The following LRP12 variants were observed in gnomAD, a reference collection of about 807,000 sequenced individuals.
LRP12 encodes the protein LDL receptor related protein 12.
LRP12 carries 14 observed loss-of-function variants against 66.0 expected under a neutral mutation model. The observed-to-expected ratio is 0.21, with a 90% CI of 0.14 to 0.33. The LOEUF (loss-of-function observed/expected upper bound fraction) is 0.33. Among genes scored for constraint, LRP12 ranks in the 10% least tolerant of loss-of-function variants. The probability of loss-of-function intolerance (pLI) is 1.00; values close to 1 mark genes in which losing one functional copy is unlikely to be tolerated. For synonymous variants in LRP12, 357 were observed against 359.1 expected (o/e 0.99, Z 0.07); for missense variants, 889 against 1,053.4 (o/e 0.84, Z 2.16).
chr8:104,547,590 AAT>A (rs1564141411), intron 1 of LRP12, among the ~76,000 whole-genome samples: 3 of 122,426 alleles, frequency 2.5e-5, no homozygotes, highest in African/African-American at 9.7e-5. Context: ...ATTAATATAT[AAT>A]ATATAATAAT....
At chr8:104,492,145 G>C (rs1338377056) in intron 6 of LRP12, among the ~76,000 whole-genome samples, 1 of 151,920 alleles carries the variant, frequency 6.6e-6, no homozygotes, top group Non-Finnish European at 1.5e-5. Flanking sequence ...CAGCACCGAA[G>C]ACAACAAGAA....
intron 2 of LRP12, among the ~76,000 whole-genome samples, chr8:104,525,496 A>C (rs1811220673): frequency 6.6e-6 from 1 of 152,176 alleles, no homozygotes; most frequent in Non-Finnish European, 1.5e-5. Context: ...ATATATTATT[A>C]ATTAGAAATT....
intron 1 of LRP12, among the ~76,000 whole-genome samples, chr8:104,562,896 T>C (rs1811935804): frequency 6.6e-6 from 1 of 152,182 alleles, no homozygotes; most frequent in Non-Finnish European, 1.5e-5. Flanking sequence ...TCAGAAAGAA[T>C]TAATGATCTG....
chr8:104,494,457 C>A (rs1201168071), intron 6 of LRP12, among the ~76,000 whole-genome samples: 1 of 152,102 alleles, frequency 6.6e-6, no homozygotes, highest in Non-Finnish European at 1.5e-5. Flanking sequence ...CTGGAAACAA[C>A]AGTTTTTATA....
intron 1 of LRP12, among the ~76,000 whole-genome samples, chr8:104,541,267 A>G (rs1321001653): frequency 2.0e-5 from 3 of 152,202 alleles, no homozygotes; most frequent in Non-Finnish European, 4.4e-5. Flanking sequence ...CCTACTGCTG[A>G]GCATCTCAGT....
chr8:104,566,934 T>G (rs1812013484), intron 1 of LRP12, among the ~76,000 whole-genome samples: 1 of 152,020 alleles, frequency 6.6e-6, no homozygotes, highest in Admixed American at 6.5e-5. Flanking sequence ...TGTGATCTTA[T>G]GTATGTAAAG....
At chr8:104,522,109 A>C (rs1294475209) in intron 2 of LRP12, among the ~76,000 whole-genome samples, 1 of 152,000 alleles carries the variant, frequency 6.6e-6, no homozygotes, top group South Asian at 2.1e-4. Context: ...GAAAATTTCA[A>C]AATACCATGT....
chr8:104,552,468 G>A (rs1177339078), intron 1 of LRP12, among the ~76,000 whole-genome samples: 3 of 151,356 alleles, frequency 2.0e-5, no homozygotes, highest in Admixed American at 1.3e-4. Context: ...TTGGGAGTTC[G>A]AGACCAGCCT....
At chr8:104,540,372 T>C (rs1462921969) in intron 1 of LRP12, among the ~76,000 whole-genome samples, 1 of 152,160 alleles carries the variant, frequency 6.6e-6, no homozygotes, top group Admixed American at 6.5e-5. Flanking sequence ...GTAGTCCAAA[T>C]AGACTCATAT....
intron 1 of LRP12, among the ~76,000 whole-genome samples, chr8:104,549,451 G>A (rs1388340105): frequency 1.5e-5 from 2 of 137,192 alleles, no homozygotes; most frequent in African/African-American, 5.6e-5. Context: ...CGCCCAGGCT[G>A]GAGTGTAGTG....
chr8:104,587,521 CA>C (rs2140904877), intron 1 of LRP12, among the ~76,000 whole-genome samples: 1 of 152,280 alleles, frequency 6.6e-6, no homozygotes, highest in South Asian at 2.1e-4. Context: ...CCAAAACAAA[CA>C]AAAATACTAC....
chr8:104,547,937 ATGTTATATTTTGTATATACCAT>A (rs1811622760), intron 1 of LRP12, among the ~76,000 whole-genome samples: 2 of 127,780 alleles, frequency 1.6e-5, no homozygotes, highest in Non-Finnish European at 3.1e-5. Flanking sequence ...ATACAATTCA[ATGTTATATTTTGTATATACCAT>A]TGTTATATTT....
intron 6 of LRP12, 66 bp downstream of exon 6, chr8:104,495,011 T>G (rs1810702087): frequency 1.4e-6 from 2 of 1,458,808 alleles, no homozygotes; most frequent in Non-Finnish European, 1.9e-6. Flanking sequence ...CTTTGCTTTA[T>G]CATATATACA....
intron 3 of LRP12, chr8:104,507,136 T>G (rs1810922165): frequency 6.6e-6 from 1 of 152,206 alleles, no homozygotes; most frequent in South Asian, 2.1e-4. Flanking sequence ...TTTGAATCAT[T>G]TAAGATTATG....
intron 1 of LRP12, among the ~76,000 whole-genome samples, chr8:104,557,353 A>G (rs931932676): frequency 2.0e-5 from 3 of 152,152 alleles, no homozygotes; most frequent in Non-Finnish European, 4.4e-5. Flanking sequence ...CTGTTTGCCA[A>G]TGATATAATC....
chr8:104,497,604 T>C lies in LRP12; in HGVS notation c.948A>G (p.Lys316=). The change falls in exon 5 of 7, where the codon AAA becomes AAG. Residue 316 remains lysine (K), a synonymous_variant. Coordinates refer to ENST00000276654, the MANE Select transcript of LRP12 (RefSeq NM_013437.5). The surrounding 1 kb of genome is among the most constrained non-coding windows in gnomAD (Gnocchi z 4.3). ...LDGTGYGDYV[K]IYDGLEENPH... is the part of the protein sequence containing the mutation. ...GATTCTCCTCTAATCCATCATATAT[T>C]TTGACATAATCACCATAACCAGTAC... 5.0e-6 allele frequency: 8 copies of C among 1,613,814 alleles called. No individual in the cohort carries two copies. The highest frequency in any genetic ancestry group is 5.9e-6 in the Non-Finnish European group (7 of 1,179,914).
At chr8:104,556,489 T>A (rs563967124) in intron 1 of LRP12, among the ~76,000 whole-genome samples, 1 of 152,108 alleles carries the variant, frequency 6.6e-6, no homozygotes, top group South Asian at 2.1e-4. Context: ...ATACAAAAGA[T>A]CATTCAAGGC....
chr8:104,532,046 A>T, intron 1 of LRP12, 83 bp from the exon 2 acceptor site: 1 of 780,250 alleles, frequency 1.3e-6, no homozygotes, highest in Non-Finnish European at 2.1e-6. Flanking sequence ...AAGAGAAACA[A>T]CTACATAGAG....
chr8:104,588,564 G>T (rs993874475), intron 1 of LRP12, among the ~76,000 whole-genome samples: 2 of 152,192 alleles, frequency 1.3e-5, no homozygotes. Context: ...CCACCCCCTC[G>T]CTCCGCCGGG....
Sources: allele counts gnomAD v4.1 joint callset (sites outside exome capture counted in the v4.1 genomes callset), GRCh38; gene constraint gnomAD v4.1.1; non-coding constraint Gnocchi (gnomAD v3.1); transcripts MANE v1.5; gene names NCBI Gene and HGNC (gene_info 2026-07-23, HGNC 2026-07-21).